Variants in PTPRK observed in about 807,000 individuals in gnomAD.
PTPRK encodes the protein protein tyrosine phosphatase receptor type K, also known as receptor-type tyrosine-protein phosphatase kappa.
A neutral mutation model predicts 178.0 loss-of-function variants in PTPRK; 75 were observed. The observed-to-expected ratio is 0.42, with a 90% CI of 0.35 to 0.51. The LOEUF is 0.51. Ranked by LOEUF, PTPRK falls within the 20% of genes least tolerant of loss-of-function variation. The pLI, the probability that PTPRK is intolerant of heterozygous loss-of-function variation, is 0.02. For synonymous variants in PTPRK, 637 were observed against 620.6 expected, an observed-to-expected ratio of 1.03 and a Z score of -0.39; for missense variants, 1,441 against 1,797.8, an observed-to-expected ratio of 0.80 and a Z score of 3.59.
At chr6:128,087,972 C>T (rs1582945277) in intron 8 of PTPRK, among the ~76,000 whole-genome samples, 1 of 152,156 alleles carries the variant, frequency 6.6e-6, no homozygotes, top group African/African-American at 2.4e-5. Flanking sequence ...TCTTTTATGG[C>T]AAGCTAATAG....
chr6:128,125,955 T>G (rs1236133160), intron 7 of PTPRK, among the ~76,000 whole-genome samples: 1 of 152,100 alleles, frequency 6.6e-6, no homozygotes, highest in East Asian at 1.9e-4. Context: ...TCATACAATA[T>G]TTAGCGTTTT....
At chr6:128,361,483 G>A (rs1834733809) in intron 2 of PTPRK, among the ~76,000 whole-genome samples, 1 of 152,146 alleles carries the variant, frequency 6.6e-6, no homozygotes, top group South Asian at 2.1e-4. Context: ...GTCATGAGTT[G>A]CCTAATGATG....
Position 128,064,686 on chromosome 6 carries a change from G to A in PTPRK, c.2194+72C>T. ...AAATGTCATATTTAGCCCTGAAGCA[G>A]GGAACAAAGTCCTTCCATTTTAGAA... On this transcript the variant is annotated intron_variant, in intron 13 of 29. Transcript: ENST00000368226. 5 of 1,525,258 alleles carry A rather than the reference G, an allele frequency of 3.3e-6. 1 individual carries two copies. The African/African-American group carries it at 7.1e-5, about 22-fold the overall frequency. The allele number at this position is 1,525,258 out of a possible 1,614,324, so 94.5% of individuals were successfully genotyped here.
At chr6:128,472,565 C>T (rs1391444541) in intron 1 of PTPRK, 1 of 163,378 alleles carries the variant, frequency 6.1e-6, no homozygotes, top group Non-Finnish European at 1.3e-5. Context: ...TTTTCAACAT[C>T]TTCTACTATG....
chr6:128,076,457 A>C (rs1783832496), intron 11 of PTPRK, among the ~76,000 whole-genome samples: 1 of 152,018 alleles, frequency 6.6e-6, no homozygotes, highest in Non-Finnish European at 1.5e-5. Context: ...AAGTCATTAC[A>C]AAAACTAAAG....
At chr6:128,069,919 C>CTA (rs1782530581) in intron 11 of PTPRK, among the ~76,000 whole-genome samples, 1 of 151,958 alleles carries the variant, frequency 6.6e-6, no homozygotes, top group Non-Finnish European at 1.5e-5. Flanking sequence ...GGGAAAGAGC[C>CTA]TTAAGTATGG....
intron 1 of PTPRK, among the ~76,000 whole-genome samples, chr6:128,446,465 A>G (rs554992173): frequency 2.6e-5 from 4 of 152,328 alleles, no homozygotes; most frequent in African/African-American, 7.2e-5. Context: ...TCACTTCAAA[A>G]TGTAGAATAA....
chr6:128,042,304 C>A (rs900121451), intron 13 of PTPRK, among the ~76,000 whole-genome samples: 2 of 152,002 alleles, frequency 1.3e-5, no homozygotes, highest in African/African-American at 4.8e-5. Flanking sequence ...CAAGTTATAG[C>A]AAATTTGTGG....
At chr6:127,975,768 T>C (rs1774493246) in intron 27 of PTPRK, among the ~76,000 whole-genome samples, 1 of 152,032 alleles carries the variant, frequency 6.6e-6, no homozygotes, top group South Asian at 2.1e-4. Flanking sequence ...GCCTCCCGGG[T>C]TCAAATGATT....
At chr6:128,066,088 T>C (rs1329429676) in intron 12 of PTPRK, among the ~76,000 whole-genome samples, 1 of 152,180 alleles carries the variant, frequency 6.6e-6, no homozygotes, top group Non-Finnish European at 1.5e-5. Context: ...ATAGACCAAA[T>C]AACCAAAGTT....
rs193045068 is a variant in PTPRK at position 128,135,797 on chromosome 6, G to A, written c.1163-45805C>T. 8.6e-4 allele frequency among the ~76,000 whole-genome samples: 130 copies of A among 151,904 alleles called. 1 individual carries two copies. Among genetic ancestry groups the A allele is most frequent in the Admixed American group, 5.8e-3 (89 of 15,258 alleles). ...AATGCCACAATCACGTTTACATTTA[G>A]AGGTTGGCCATTGTGATCAAGTACT... On this transcript the variant is annotated intron_variant, in intron 7 of 29. Coordinates refer to ENST00000368226, the MANE Select transcript of PTPRK (RefSeq NM_002844.4).
intron 5 of PTPRK, among the ~76,000 whole-genome samples, chr6:128,235,174 T>C (rs1177138089): frequency 6.6e-6 from 1 of 152,014 alleles, no homozygotes; most frequent in Non-Finnish European, 1.5e-5. Context: ...TATTAAAAAA[T>C]AAAAATAATT....
intron 13 of PTPRK, among the ~76,000 whole-genome samples, chr6:128,061,447 C>A (rs151170624): frequency 4.9e-4 from 75 of 151,910 alleles, no homozygotes; most frequent in African/African-American, 1.7e-3. Context: ...GAACTAAGTT[C>A]TTTTCAGCAA....
chr6:128,400,671 A>G (rs1251878210), intron 1 of PTPRK, among the ~76,000 whole-genome samples: 1 of 152,202 alleles, frequency 6.6e-6, no homozygotes, highest in Non-Finnish European at 1.5e-5. Flanking sequence ...TCCATCATAT[A>G]CAGTTCCTAT....
intron 1 of PTPRK, among the ~76,000 whole-genome samples, chr6:128,461,185 G>C (rs1287098876): frequency 1.3e-5 from 2 of 151,938 alleles, no homozygotes; most frequent in Admixed American, 1.3e-4. Flanking sequence ...TTGTAGTATA[G>C]ATATGTATAA....
chr6:128,272,589 C>T (rs1303542079), intron 3 of PTPRK, among the ~76,000 whole-genome samples: 5 of 152,148 alleles, frequency 3.3e-5, no homozygotes, highest in Non-Finnish European at 7.3e-5. Context: ...ATTTATGCAG[C>T]CAACAGACAC....
chr6:128,368,731 T>C (rs560958867), intron 2 of PTPRK, among the ~76,000 whole-genome samples: 2 of 152,256 alleles, frequency 1.3e-5, no homozygotes, highest in Admixed American at 6.5e-5. Flanking sequence ...AAGCAAGTAC[T>C]GCTACTTCTC....
At chr6:128,227,724 G>T (rs1449533420) in intron 5 of PTPRK, among the ~76,000 whole-genome samples, 1 of 152,000 alleles carries the variant, frequency 6.6e-6, no homozygotes, top group African/African-American at 2.4e-5. Flanking sequence ...CCATAAAACA[G>T]ATCAAAACCG....
intron 7 of PTPRK, among the ~76,000 whole-genome samples, chr6:128,149,424 TC>T: frequency 6.6e-6 from 1 of 152,286 alleles, no homozygotes; most frequent in Non-Finnish European, 1.5e-5. Context: ...TTTAGATTTG[TC>T]TGACTTAAAA....
Sources: gnomAD v4.1 joint callset for allele counts (sites outside exome capture counted in the v4.1 genomes callset) on GRCh38, gnomAD v4.1.1 for gene constraint, MANE v1.5 for transcripts, NCBI Gene and HGNC (gene_info 2026-07-23, HGNC 2026-07-21) for gene names.